Variants in CAMTA1 observed in about 807,000 individuals in gnomAD.
The protein encoded by CAMTA1 is calmodulin-binding transcription activator 1.
CAMTA1 carries 27 observed loss-of-function variants against 170.9 expected under a neutral mutation model. The ratio of observed to expected loss-of-function variants is 0.16; its 90% CI spans 0.12 to 0.22. The LOEUF (loss-of-function observed/expected upper bound fraction) is 0.22, where lower values mean the gene tolerates loss of function less well. CAMTA1 is among the 10% of genes least tolerant of loss of function. The pLI is 1.00. For synonymous variants in CAMTA1, 833 were observed against 891.5 expected (o/e 0.93, Z 1.17); for missense variants, 1,619 against 2,217.2 (o/e 0.73, Z 5.42).
intron 3 of CAMTA1, among the ~76,000 whole-genome samples, chr1:6,922,657 G>A (rs1297771753): frequency 6.6e-6 from 1 of 152,196 alleles, no homozygotes; most frequent in Non-Finnish European, 1.5e-5. Flanking sequence ...GGCCTTGAAA[G>A]TCACACGGCA....
At position 7,064,178 on chromosome 1, in the gene CAMTA1, T is replaced by C. The variant is rs766959956; in HGVS notation, c.235-27126T>C. 1.3e-5 allele frequency among the ~76,000 whole-genome samples: 2 copies of C among 150,408 alleles called. No individual in the cohort carries two copies. The highest frequency in any genetic ancestry group is 2.4e-5 in the African/African-American group (1 of 40,838). Reference sequence around the variant, plus strand: ...CCCTCCTCCTCCTCTTCCTTCTTCTTCTCCTCCTCCTCCTCTTCTTTCTCC... The same window carrying C: ...CCCTCCTCCTCCTCTTCCTTCTTCTCCTCCTCCTCCTCCTCTTCTTTCTCC... On this transcript the variant is annotated intron_variant, in intron 3 of 22. Transcript: ENST00000303635. The surrounding 1 kb of genome is among the most constrained non-coding windows in gnomAD (Gnocchi z 5.4).
At chr1:7,740,888 T>C (rs561073528) in intron 16 of CAMTA1, among the ~76,000 whole-genome samples, 1 of 152,298 alleles carries the variant, frequency 6.6e-6, no homozygotes, top group African/African-American at 2.4e-5. Flanking sequence ...ATTAAGAGCA[T>C]GTGTCTATGA....
chr1:6,825,338 A>G, intron 3 of CAMTA1, 128 bp downstream of exon 3: 1 of 563,708 alleles, frequency 1.8e-6, no homozygotes. Flanking sequence ...AAATGACATT[A>G]TTTAATCTGG....
chr1:7,150,650 C>T (rs1045768684), intron 4 of CAMTA1, among the ~76,000 whole-genome samples: 3 of 151,974 alleles, frequency 2.0e-5, no homozygotes, highest in Non-Finnish European at 4.4e-5. Flanking sequence ...CACCCCTCAC[C>T]GAGAACCACT....
chr1:6,797,272 G>A (rs1006083895), intron 1 of CAMTA1, among the ~76,000 whole-genome samples: 12 of 152,144 alleles, frequency 7.9e-5, no homozygotes, highest in African/African-American at 2.9e-4. Flanking sequence ...TGTTGTCCAG[G>A]CTGGTCTCAT....
At chr1:7,589,740 C>T (rs150137587) in intron 6 of CAMTA1, among the ~76,000 whole-genome samples, 25 of 152,276 alleles carry the variant, frequency 1.6e-4, no homozygotes, top group African/African-American at 5.5e-4. Flanking sequence ...GCCCTTGCCT[C>T]GATGTTCCTT....
intron 5 of CAMTA1, among the ~76,000 whole-genome samples, chr1:7,433,815 C>T (rs1272012466): frequency 1.3e-5 from 2 of 152,178 alleles, no homozygotes; most frequent in African/African-American, 4.8e-5. Context: ...TGGAAGATTC[C>T]GTTTCCTGAC....
chr1:7,662,039 C>T (rs6698334), intron 8 of CAMTA1, among the ~76,000 whole-genome samples, 173 bp downstream of exon 8: 13,123 of 152,278 alleles, frequency 0.086, 857 homozygotes, highest in African/African-American at 0.18. Flanking sequence ...GCAGGCCTTC[C>T]GCCTCGTCCT....
intron 3 of CAMTA1, among the ~76,000 whole-genome samples, chr1:6,913,850 T>C (rs1680213024): frequency 6.6e-6 from 1 of 151,946 alleles, no homozygotes; most frequent in Non-Finnish European, 1.5e-5. Flanking sequence ...AGGGACTGCA[T>C]GAGTACAGGC....
At chr1:7,102,661 A>G (rs915126058) in intron 4 of CAMTA1, among the ~76,000 whole-genome samples, 9 of 152,148 alleles carry the variant, frequency 5.9e-5, no homozygotes, top group Non-Finnish European at 1.0e-4. Context: ...GCACCGTGAA[A>G]TGTGCTATTT....
At chr1:7,545,024 G>A (rs968706566) in intron 6 of CAMTA1, among the ~76,000 whole-genome samples, 10 of 152,082 alleles carry the variant, frequency 6.6e-5, no homozygotes, top group African/African-American at 1.9e-4. Context: ...CATGGGTTTC[G>A]GCAGTGACAA....
chr1:7,177,090 C>A (rs892480253), intron 4 of CAMTA1, among the ~76,000 whole-genome samples: 1 of 151,860 alleles, frequency 6.6e-6, no homozygotes, highest in Non-Finnish European at 1.5e-5. Flanking sequence ...CCCACAGAGG[C>A]CCCTCCCACA....
At chr1:7,062,079 G>A (rs1254610474) in intron 3 of CAMTA1, among the ~76,000 whole-genome samples, 8 of 151,942 alleles carry the variant, frequency 5.3e-5, no homozygotes, top group Non-Finnish European at 8.8e-5. Flanking sequence ...CACCACGCAC[G>A]GCTAATTTTT....
At chr1:7,671,179 C>G (rs1030568831) in intron 10 of CAMTA1, 142 bp downstream of exon 10, 11 of 905,694 alleles carry the variant, frequency 1.2e-5, no homozygotes, top group Non-Finnish European at 1.7e-5. Flanking sequence ...GAAGCGGATC[C>G]CCGATAGTCT....
In CAMTA1 at chr1:7,057,590, A is replaced by T. The variant is rs1707550150; in HGVS notation, c.235-33714A>T. On this transcript the variant is annotated intron_variant, in intron 3 of 22. Coordinates refer to ENST00000303635, the MANE Select transcript of CAMTA1 (RefSeq NM_015215.4). ...TCCAGCTGCCCAATGGACTAGTCTGACCCCGACAGGCTGAGAGCCTGTCAT... is the reference window on the plus strand; with the variant it reads ...TCCAGCTGCCCAATGGACTAGTCTGTCCCCGACAGGCTGAGAGCCTGTCAT... Among the ~76,000 whole-genome samples, 3 of 151,714 alleles carry T rather than the reference A, an allele frequency of 2.0e-5. 1 individual carries two copies. The Admixed American group carries it at 2.0e-4, about 10-fold the overall frequency.
chr1:6,904,339 C>T (rs563971594), intron 3 of CAMTA1, among the ~76,000 whole-genome samples: 2 of 152,300 alleles, frequency 1.3e-5, no homozygotes, highest in South Asian at 2.1e-4. Flanking sequence ...CCTGGGACAC[C>T]GTCTTCCTGC....
intron 3 of CAMTA1, among the ~76,000 whole-genome samples, chr1:6,991,598 T>C (rs559895897): frequency 6.6e-6 from 1 of 152,372 alleles, no homozygotes; most frequent in East Asian, 1.9e-4. Context: ...TTGTAGTTTA[T>C]ATATTCTGGA....
rs1258489950 is a variant in CAMTA1 at position 7,602,017 on chromosome 1, AGAG to A, written c.511-38378_511-38376del. 1.4e-3 allele frequency among the ~76,000 whole-genome samples: 98 copies of A among 69,128 alleles called. 1 individual carries two copies. The highest frequency in any genetic ancestry group is 6.4e-3 in the Middle Eastern group (1 of 156). The allele number at this position is 69,128 out of a possible 152,430, so 45.4% of individuals were successfully genotyped here. ...GAGAGGGAGAGGGAGAGGGAGAGGG[AGAG>A]GAGGGAGAGGAGGGAGAGGGAGAGG... On this transcript the variant is annotated intron_variant, in intron 6 of 22. Transcript: ENST00000303635.
At chr1:7,726,782 A>G (rs1460053691) in intron 11 of CAMTA1, among the ~76,000 whole-genome samples, 1 of 152,202 alleles carries the variant, frequency 6.6e-6, no homozygotes, top group Non-Finnish European at 1.5e-5. Flanking sequence ...ATATTTCAGG[A>G]TAAGAACTAA....
Sources: allele counts gnomAD v4.1 joint callset (sites outside exome capture counted in the v4.1 genomes callset), GRCh38; gene constraint gnomAD v4.1.1; non-coding constraint Gnocchi (gnomAD v3.1); transcripts MANE v1.5; gene names NCBI Gene and HGNC (gene_info 2026-07-23, HGNC 2026-07-21).